The following PDGFD variants were observed in gnomAD, a reference collection of about 807,000 sequenced individuals.
PDGFD encodes platelet-derived growth factor D.
A neutral mutation model predicts 44.7 loss-of-function variants in PDGFD; 30 were observed. The observed-to-expected ratio is 0.67, with a 90% CI of 0.50 to 0.91. PDGFD has a LOEUF of 0.91. Among genes scored for constraint, PDGFD ranks in the 40% least tolerant of loss-of-function variants. PDGFD has a pLI of 0.00. For missense variants in PDGFD, 445 were observed against 457.8 expected (o/e 0.97, Z 0.25); for synonymous variants, 173 against 168.4 (o/e 1.03, Z -0.21).
chr11:103,939,113 G>C (rs1279342262), intron 5 of PDGFD, among the ~76,000 whole-genome samples: 3 of 152,050 alleles, frequency 2.0e-5, no homozygotes, highest in Non-Finnish European at 4.4e-5. Flanking sequence ...TAGCTTGATG[G>C]GGATGGCATT....
chr11:104,057,279 T>A (rs1860635711), intron 1 of PDGFD, among the ~76,000 whole-genome samples: 1 of 152,198 alleles, frequency 6.6e-6, no homozygotes, highest in African/African-American at 2.4e-5. Flanking sequence ...AATGTCAATC[T>A]CCCATAATTT....
At chr11:103,949,764 A>T (rs1347074541) in intron 3 of PDGFD, among the ~76,000 whole-genome samples, 2 of 152,186 alleles carry the variant, frequency 1.3e-5, no homozygotes, top group African/African-American at 4.8e-5. Context: ...ATACCAGTCT[A>T]CTCAGCATGC....
intron 1 of PDGFD, among the ~76,000 whole-genome samples, chr11:104,103,463 T>TGTGTAA (rs1491166647): frequency 1.5e-4 from 1 of 6,614 alleles, no homozygotes; most frequent in Non-Finnish European, 5.7e-4. Context: ...TGTGTGTGTG[T>TGTGTAA]ATATATATAT....
Position 104,068,954 on chromosome 11 carries a change from C to T in PDGFD, c.125-68699G>A, listed in dbSNP as rs187090405. Reference sequence around the variant, plus strand: ...AAAAGCAAGCAATTCTTTTGCACACCATGGATGCAATCATTAAAATCAGGA... The same window carrying T: ...AAAAGCAAGCAATTCTTTTGCACACTATGGATGCAATCATTAAAATCAGGA... On this transcript the variant is annotated intron_variant, in intron 1 of 6. Coordinates refer to ENST00000393158, the MANE Select transcript of PDGFD (RefSeq NM_025208.5). 6.2e-3 allele frequency among the ~76,000 whole-genome samples: 942 copies of T among 152,184 alleles called. 7 individuals carry two copies. The highest frequency in any genetic ancestry group is 0.021 in the African/African-American group (877 of 41,512).
At chr11:104,090,313 T>C (rs1160377788) in intron 1 of PDGFD, among the ~76,000 whole-genome samples, 1 of 150,438 alleles carries the variant, frequency 6.6e-6, no homozygotes, top group Non-Finnish European at 1.5e-5. Context: ...TTTTAGTGCT[T>C]GGTAAATGTT....
At chr11:104,142,055 C>T (rs1008684636) in intron 1 of PDGFD, among the ~76,000 whole-genome samples, 1 of 152,094 alleles carries the variant, frequency 6.6e-6, no homozygotes, top group African/African-American at 2.4e-5. Context: ...ATTTCAGCAT[C>T]TTGTTTTCAC....
chr11:104,051,186 A>G (rs915388639), intron 1 of PDGFD, among the ~76,000 whole-genome samples: 2 of 152,206 alleles, frequency 1.3e-5, no homozygotes, highest in African/African-American at 4.8e-5. Context: ...GATAACACTC[A>G]ATAGTAGCAA....
intron 1 of PDGFD, among the ~76,000 whole-genome samples, chr11:104,140,340 C>G (rs1164543093): frequency 6.6e-6 from 1 of 152,016 alleles, no homozygotes; most frequent in East Asian, 1.9e-4. Flanking sequence ...TGCAAAGAAA[C>G]AGCAGATTCA....
At chr11:103,929,130 C>T (rs1349125140) in intron 5 of PDGFD, among the ~76,000 whole-genome samples, 4 of 152,170 alleles carry the variant, frequency 2.6e-5, no homozygotes, top group South Asian at 4.1e-4. Context: ...CATAACCTTA[C>T]AGATATGACT....
chr11:104,104,679 T>C (rs961258444), intron 1 of PDGFD, among the ~76,000 whole-genome samples: 1 of 152,162 alleles, frequency 6.6e-6, no homozygotes, highest in Non-Finnish European at 1.5e-5. Context: ...AATTCTATTA[T>C]GTTCACACAA....
intron 1 of PDGFD, among the ~76,000 whole-genome samples, chr11:104,126,246 AG>A (rs1861839808): frequency 6.6e-6 from 1 of 152,156 alleles, no homozygotes; most frequent in Non-Finnish European, 1.5e-5. Context: ...GCAGCCTGTA[AG>A]CTGGAGGCAC....
chr11:104,000,397 C>T, intron 1 of PDGFD, 142 bp from the exon 2 acceptor site: 1 of 723,982 alleles, frequency 1.4e-6, no homozygotes, highest in Non-Finnish European at 2.3e-6. Flanking sequence ...TGCAAATAAA[C>T]AAACTTTTTT....
At chr11:104,154,542 A>C (rs1280484420) in intron 1 of PDGFD, among the ~76,000 whole-genome samples, 9 of 152,162 alleles carry the variant, frequency 5.9e-5, no homozygotes, top group Non-Finnish European at 8.8e-5. Flanking sequence ...GGAGGAGAGG[A>C]GGAAGAGACA....
intron 1 of PDGFD, among the ~76,000 whole-genome samples, chr11:104,126,124 A>G (rs1329553980): frequency 6.6e-6 from 1 of 152,130 alleles, no homozygotes; most frequent in East Asian, 1.9e-4. Context: ...TCCTTAGCCT[A>G]TCACTGCTCC....
At chr11:104,070,286 A>C (rs549537182) in intron 1 of PDGFD, among the ~76,000 whole-genome samples, 1 of 152,308 alleles carries the variant, frequency 6.6e-6, no homozygotes, top group South Asian at 2.1e-4. Context: ...GAGGTAGGGA[A>C]CAGATTGTAT....
At chr11:104,156,073 G>A (rs1366384247) in intron 1 of PDGFD, among the ~76,000 whole-genome samples, 1 of 152,164 alleles carries the variant, frequency 6.6e-6, no homozygotes, top group Non-Finnish European at 1.5e-5. Context: ...CACAAAAAAG[G>A]TAAGTATGTG....
At chr11:104,031,119 A>G (rs1310964139) in intron 1 of PDGFD, among the ~76,000 whole-genome samples, 2 of 152,210 alleles carry the variant, frequency 1.3e-5, no homozygotes, top group Non-Finnish European at 2.9e-5. Flanking sequence ...AGCAATTGCA[A>G]CAAAAGCAAA....
At chr11:104,031,609 G>C (rs1860127161) in intron 1 of PDGFD, among the ~76,000 whole-genome samples, 1 of 152,156 alleles carries the variant, frequency 6.6e-6, no homozygotes, top group African/African-American at 2.4e-5. Flanking sequence ...TCCAGAACCA[G>C]AAATACCATT....
At chr11:104,032,838 G>T (rs1419734357) in intron 1 of PDGFD, among the ~76,000 whole-genome samples, 3 of 151,742 alleles carry the variant, frequency 2.0e-5, no homozygotes, top group African/African-American at 7.3e-5. Context: ...GACTCTGCAG[G>T]AATCTCACTT....
Sources: allele counts gnomAD v4.1 joint callset (sites outside exome capture counted in the v4.1 genomes callset), GRCh38; gene constraint gnomAD v4.1.1; transcripts MANE v1.5; gene names NCBI Gene and HGNC (gene_info 2026-07-23, HGNC 2026-07-21).